The following PRH1 variants were observed in gnomAD, a reference collection of about 807,000 sequenced individuals.
PRH1 encodes the protein proline rich protein HaeIII subfamily 1, also known as salivary acidic proline-rich phosphoprotein 1/2.
PRH1 carries 7 observed loss-of-function variants against 7.9 expected under a neutral mutation model. The ratio of observed to expected loss-of-function variants is 0.89; its 90% CI spans 0.50 to 1.67. The LOEUF is 1.67. Among genes scored for constraint, PRH1 ranks in the 40% most tolerant of loss-of-function variants. PRH1 has a pLI of 0.00. For missense variants in PRH1, 109 were observed against 223.6 expected (o/e 0.49, Z 3.27); for synonymous variants, 45 against 80.8 (o/e 0.56, Z 2.38).
downstream of PRH1, chr12:11,120,777 GTTTTCC>G (rs981103524): frequency 6.6e-6 from 1 of 152,026 alleles, no homozygotes; most frequent in African/African-American, 2.4e-5. Flanking sequence ...TGCTTATCAT[GTTTTCC>G]TTTTTCTTTG....
At chr12:11,042,410 C>G (rs1333911301) in intron 1 of PRH1, among the ~76,000 whole-genome samples, 3 of 147,086 alleles carry the variant, frequency 2.0e-5, no homozygotes, top group Non-Finnish European at 4.5e-5. Flanking sequence ...AAAGATCGAA[C>G]CATAAAGAAG....
intron 2 of PRH1, among the ~76,000 whole-genome samples, chr12:10,932,510 C>T (rs1950228593): frequency 1.3e-5 from 2 of 152,066 alleles, no homozygotes; most frequent in Non-Finnish European, 1.5e-5. Flanking sequence ...CTTCTTAGCT[C>T]GAATTTAAAT....
intron 2 of PRH1, among the ~76,000 whole-genome samples, chr12:10,943,823 C>T (rs967805990): frequency 2.6e-5 from 4 of 152,096 alleles, no homozygotes; most frequent in Admixed American, 6.5e-5. Flanking sequence ...TTATTAAATA[C>T]GAAGTCTTGT....
intron 1 of PRH1, among the ~76,000 whole-genome samples, chr12:11,001,167 G>GT (rs370444513): frequency 7.9e-5 from 12 of 151,280 alleles, no homozygotes; most frequent in South Asian, 2.1e-4. Context: ...TTTTTTTAGG[G>GT]GGGGATAGCA....
intron 2 of PRH1, among the ~76,000 whole-genome samples, chr12:10,971,269 T>C (rs1201311074): frequency 1.3e-5 from 2 of 152,246 alleles, no homozygotes; most frequent in Non-Finnish European, 2.9e-5. Context: ...ACCAATGTAA[T>C]AAATTGCAAT....
intron 2 of PRH1, among the ~76,000 whole-genome samples, chr12:10,916,949 A>T (rs1331712372): frequency 6.6e-6 from 1 of 152,090 alleles, no homozygotes. Context: ...GGTGGTGCAC[A>T]TCTGTAGTCC....
Position 11,148,758 on chromosome 12 carries a change from G to A in PRH1, n.39+22664C>T, listed in dbSNP as rs1472042030. 6.2e-5 allele frequency among the ~76,000 whole-genome samples: 7 copies of A among 113,660 alleles called. 2 individuals carry two copies. In the Admixed American group the frequency reaches 6.2e-4, roughly 10 times the overall value. 74.6% of individuals were successfully genotyped at this position (113,660 alleles called of 152,430 possible). A position where few individuals can be genotyped will look rare whatever the true frequency, so the allele number is the denominator to read the frequency against. ...TTAGTCTAAAATTCTCTTTTTGGTT[G>A]TGTCTCTGCCCAGCTTTGGTATCAG... On this transcript the variant is annotated intron_variant and non_coding_transcript_variant, in intron 1 of 1. Coordinates refer to the PRH1 transcript ENST00000541175.
chr12:11,022,975 T>A (rs1941737251), intron 1 of PRH1, among the ~76,000 whole-genome samples: 1 of 152,234 alleles, frequency 6.6e-6, no homozygotes, highest in African/African-American at 2.4e-5. Context: ...CATCTTCAGT[T>A]GTTCCATAGG....
chr12:10,974,510 C>T (rs1227171853), intron 1 of PRH1, among the ~76,000 whole-genome samples: 3 of 152,110 alleles, frequency 2.0e-5, no homozygotes, highest in East Asian at 3.9e-4. Flanking sequence ...GCATTCAGCG[C>T]GGGAGTGCTG....
intron 1 of PRH1, among the ~76,000 whole-genome samples, chr12:11,125,413 T>G (rs1946082116): frequency 1.3e-5 from 2 of 152,306 alleles, no homozygotes; most frequent in African/African-American, 4.8e-5. Flanking sequence ...ATAGCATCAT[T>G]AACAAGTTAA....
At chr12:11,149,908 G>T (rs1212024947) in intron 1 of PRH1, among the ~76,000 whole-genome samples, 1 of 136,084 alleles carries the variant, frequency 7.3e-6, no homozygotes, top group Non-Finnish European at 1.6e-5. Flanking sequence ...GAAAATTTTC[G>T]CAACCTACTC....
Position 11,140,649 on chromosome 12 carries a change from T to C in PRH1, n.40-19469A>G, listed in dbSNP as rs975858258. Reference sequence around the variant, plus strand: ...CAAACACAACATCCTTGCTGTAAGGTAAAATTTTCCATATTGATGTTGAAG... The same window carrying C: ...CAAACACAACATCCTTGCTGTAAGGCAAAATTTTCCATATTGATGTTGAAG... On this transcript the variant is annotated intron_variant and non_coding_transcript_variant, in intron 1 of 1. Transcript: ENST00000541175. 6.6e-4 allele frequency among the ~76,000 whole-genome samples: 101 copies of C among 152,290 alleles called. 1 individual carries two copies. Among genetic ancestry groups the C allele is most frequent in the Non-Finnish European group, 2.4e-4 (16 of 68,000 alleles).
At chr12:10,888,765 A>G (rs1002365363), upstream of PRH1, among the ~76,000 whole-genome samples, 2 of 152,088 alleles carry the variant, frequency 1.3e-5, no homozygotes, top group Admixed American at 6.5e-5. Flanking sequence ...TCTATGTTTT[A>G]CTTTACATGT....
At chr12:11,148,859 TG>T (rs1181732602) in intron 1 of PRH1, among the ~76,000 whole-genome samples, 1 of 133,762 alleles carries the variant, frequency 7.5e-6, no homozygotes, top group African/African-American at 2.7e-5. Context: ...TCAGAAGGAA[TG>T]GTACCAGTTC....
chr12:10,939,162 C>T, intron 2 of PRH1: 1 of 1,600,850 alleles, frequency 6.2e-7, no homozygotes, highest in Non-Finnish European at 8.5e-7. Context: ...ATTATAAATT[C>T]CACAATTAAA....
At chr12:10,883,543 CT>C (rs1270481433) in intron 1 of PRH1, among the ~76,000 whole-genome samples, 3 of 152,178 alleles carry the variant, frequency 2.0e-5, no homozygotes, top group African/African-American at 7.2e-5. Flanking sequence ...CCTCTTTCAT[CT>C]GTAAATATGT....
At chr12:11,087,874 G>A (rs1232050892) in intron 1 of PRH1, among the ~76,000 whole-genome samples, 1 of 114,602 alleles carries the variant, frequency 8.7e-6, no homozygotes, top group African/African-American at 2.9e-5. Flanking sequence ...TTTTTACCGG[G>A]CTTGTGATTT....
At chr12:10,970,723 A>G (rs1412226751) in intron 2 of PRH1, among the ~76,000 whole-genome samples, 1 of 151,800 alleles carries the variant, frequency 6.6e-6, no homozygotes, top group Admixed American at 6.6e-5. Flanking sequence ...CGCCACCACA[A>G]TCAGCTAATT....
At chr12:10,902,876 C>G (rs1565460152) in intron 2 of PRH1, among the ~76,000 whole-genome samples, 1 of 152,136 alleles carries the variant, frequency 6.6e-6, no homozygotes, top group Non-Finnish European at 1.5e-5. Flanking sequence ...TAAGGGAGTT[C>G]TAAACATGAA....
Sources: allele counts gnomAD v4.1 joint callset (sites outside exome capture counted in the v4.1 genomes callset), GRCh38; gene constraint gnomAD v4.1.1; transcripts MANE v1.5; gene names NCBI Gene and HGNC (gene_info 2026-07-23, HGNC 2026-07-21).